Variants in LRFN5 observed in about 807,000 individuals in gnomAD.
The protein encoded by LRFN5 is leucine-rich repeat and fibronectin type-III domain-containing protein 5.
Under a neutral mutation model 45.6 loss-of-function variants are expected in LRFN5, and 24 were observed. The ratio of observed to expected loss-of-function variants is 0.53; its 90% confidence interval spans 0.38 to 0.74. The LOEUF (loss-of-function observed/expected upper bound fraction) is 0.74, where lower values mean the gene tolerates loss of function less well. LRFN5 is among the 30% of genes least tolerant of loss of function. The pLI, the probability that LRFN5 is intolerant of heterozygous loss-of-function variation, is 0.00. For synonymous variants in LRFN5, 340 were observed against 313.8 expected (o/e 1.08, Z -0.88); for missense variants, 776 against 861.5 (o/e 0.90, Z 1.24).
intron 1 of LRFN5, among the ~76,000 whole-genome samples, chr14:41,718,975 C>T (rs1387427765): frequency 2.0e-5 from 3 of 152,100 alleles, no homozygotes; most frequent in African/African-American, 4.8e-5. Flanking sequence ...GACAGGAAGC[C>T]ATTGAACAAC....
chr14:41,673,180 T>G (rs1881320858), intron 1 of LRFN5, among the ~76,000 whole-genome samples: 1 of 152,110 alleles, frequency 6.6e-6, no homozygotes, highest in South Asian at 2.1e-4. Context: ...CCTCTTTCTA[T>G]TCCACAAAAC....
intron 1 of LRFN5, among the ~76,000 whole-genome samples, chr14:41,683,141 C>A (rs899990378): frequency 1.3e-5 from 2 of 152,100 alleles, no homozygotes; most frequent in African/African-American, 2.4e-5. Flanking sequence ...ATGGGTCATC[C>A]CTGGGATGCA....
intron 2 of LRFN5, among the ~76,000 whole-genome samples, chr14:41,777,612 A>T (rs1886336463): frequency 6.6e-6 from 1 of 151,816 alleles, no homozygotes; most frequent in Non-Finnish European, 1.5e-5. Flanking sequence ...TTTTCCTTAT[A>T]TTATTTTTTC....
At chr14:41,720,508 A>G (rs529579493) in intron 1 of LRFN5, among the ~76,000 whole-genome samples, 1 of 152,170 alleles carries the variant, frequency 6.6e-6, no homozygotes, top group South Asian at 2.1e-4. Flanking sequence ...ACTTTTTGAT[A>G]TAGGTGTTTA....
intron 1 of LRFN5, among the ~76,000 whole-genome samples, chr14:41,764,207 A>G (rs1270860127): frequency 6.6e-6 from 1 of 152,178 alleles, no homozygotes; most frequent in Non-Finnish European, 1.5e-5. Context: ...GATATAAGAC[A>G]TTTCATAGAG....
intron 2 of LRFN5, among the ~76,000 whole-genome samples, chr14:41,815,800 C>G (rs1003623031): frequency 2.6e-5 from 4 of 151,826 alleles, no homozygotes; most frequent in African/African-American, 9.7e-5. Flanking sequence ...AAGTGGATGT[C>G]TTGTAGACAA....
chr14:41,793,512 C>T (rs1298790895), intron 2 of LRFN5, among the ~76,000 whole-genome samples: 1 of 151,962 alleles, frequency 6.6e-6, no homozygotes, highest in Non-Finnish European at 1.5e-5. Context: ...TTTGTTGTCT[C>T]TAATGCTTAA....
At chr14:41,882,843 C>T (rs1221982547) in intron 2 of LRFN5, among the ~76,000 whole-genome samples, 2 of 124,142 alleles carry the variant, frequency 1.6e-5, no homozygotes, top group African/African-American at 2.7e-5. Flanking sequence ...CTATGTATTT[C>T]CTCTTTTTTT....
At chr14:41,625,696 C>G (rs1888306841) in intron 1 of LRFN5, among the ~76,000 whole-genome samples, 2 of 151,982 alleles carry the variant, frequency 1.3e-5, no homozygotes, top group South Asian at 2.1e-4. Flanking sequence ...CTAAAATAGT[C>G]ATATTTAACT....
At chr14:41,826,185 T>C (rs1888288411) in intron 2 of LRFN5, among the ~76,000 whole-genome samples, 1 of 152,306 alleles carries the variant, frequency 6.6e-6, no homozygotes. Flanking sequence ...GGAAATTCTC[T>C]TGAGAAGTCA....
In LRFN5 at chr14:41,679,736, G is replaced by T. The variant is rs190280454; in HGVS notation, c.-197+71174G>T. ...TTCTGTTTGAGAAAAAGGAAAGGAC[G>T]AGTAAAGGGGAGTTTTTCTTACTGC... On this transcript the variant is annotated intron_variant, in intron 1 of 5. Transcript: ENST00000298119. 4.6e-5 allele frequency among the ~76,000 whole-genome samples: 7 copies of T among 152,158 alleles called. No individual in the cohort carries two copies. In the East Asian group the frequency reaches 1.4e-3, roughly 30 times the overall value.
chr14:41,777,131 A>C (rs891065890), intron 2 of LRFN5, among the ~76,000 whole-genome samples: 4 of 151,880 alleles, frequency 2.6e-5, no homozygotes, highest in Non-Finnish European at 4.4e-5. Context: ...TTGTGGAATA[A>C]ATAGCTACTT....
intron 3 of LRFN5, among the ~76,000 whole-genome samples, chr14:41,889,051 A>G (rs1043376165): frequency 1.4e-4 from 21 of 148,540 alleles, no homozygotes; most frequent in Non-Finnish European, 2.8e-4. Context: ...ACATGTGTGT[A>G]TATATATACA....
chr14:41,828,086 G>A (rs1034102184), intron 2 of LRFN5, among the ~76,000 whole-genome samples: 2 of 151,964 alleles, frequency 1.3e-5, no homozygotes, highest in African/African-American at 2.4e-5. Context: ...ACTGAAGTAA[G>A]TTAAAGGGAA....
At chr14:41,876,907 T>C (rs1483942379) in intron 2 of LRFN5, among the ~76,000 whole-genome samples, 3 of 152,148 alleles carry the variant, frequency 2.0e-5, no homozygotes, top group Non-Finnish European at 4.4e-5. Flanking sequence ...TGCTAGCACC[T>C]TTAAAATGTA....
At chr14:41,874,360 T>C (rs540560999) in intron 2 of LRFN5, among the ~76,000 whole-genome samples, 1 of 152,282 alleles carries the variant, frequency 6.6e-6, no homozygotes, top group South Asian at 2.1e-4. Flanking sequence ...GAACTCAAGA[T>C]CTTTTTACTC....
At chr14:41,789,404 G>A (rs147206297) in intron 2 of LRFN5, among the ~76,000 whole-genome samples, 222 of 152,092 alleles carry the variant, frequency 1.5e-3, no homozygotes, top group Admixed American at 3.5e-3. Context: ...TAAGCTGGAG[G>A]CATCTTCCTC....
intron 2 of LRFN5, among the ~76,000 whole-genome samples, chr14:41,840,017 G>T (rs1888804736): frequency 6.6e-6 from 1 of 151,906 alleles, no homozygotes; most frequent in Admixed American, 6.6e-5. Flanking sequence ...ACCCCAATCT[G>T]TAAATTTAAT....
chr14:41,902,271 C>G (rs972878157), intron 5 of LRFN5, among the ~76,000 whole-genome samples: 1 of 151,860 alleles, frequency 6.6e-6, no homozygotes, highest in African/African-American at 2.4e-5. Context: ...CATCCTAAAC[C>G]TACTACAACT....
Sources: allele counts gnomAD v4.1 joint callset (sites outside exome capture counted in the v4.1 genomes callset), GRCh38; gene constraint gnomAD v4.1.1; transcripts MANE v1.5; gene names NCBI Gene and HGNC (gene_info 2026-07-23, HGNC 2026-07-21).